Variants in CERT1 observed in about 807,000 individuals in gnomAD.
CERT1 encodes the protein ceramide transfer protein.
CERT1 carries 31 observed loss-of-function variants against 87.9 expected under a neutral mutation model. The ratio of observed to expected loss-of-function variants is 0.35; its 90% confidence interval spans 0.27 to 0.48. CERT1 has a LOEUF of 0.48. Among genes scored for constraint, CERT1 ranks in the 20% least tolerant of loss-of-function variants. The pLI is 0.99. For synonymous variants in CERT1, 289 were observed against 250.9 expected, an observed-to-expected ratio of 1.15 and a Z score of -1.44; for missense variants, 487 against 758.0, an observed-to-expected ratio of 0.64 and a Z score of 4.20.
At chr5:75,483,967 A>G (rs1479791118) in intron 2 of CERT1, among the ~76,000 whole-genome samples, 2 of 152,160 alleles carry the variant, frequency 1.3e-5, no homozygotes, top group African/African-American at 4.8e-5. Flanking sequence ...TAAACTACTC[A>G]TATCTTGAGT....
Position 75,499,937 on chromosome 5 carries a change from A to C in CERT1, c.231+6045T>G, listed in dbSNP as rs1170419754. ...GTACCTCTGAATGTTACCTTGTTTG[A>C]AAACAGCAGCATTGTGGATTTAATT... On this transcript the variant is annotated intron_variant, in intron 2 of 16. Coordinates refer to ENST00000643780, the MANE Select transcript of CERT1 (RefSeq NM_001379029.1). Among the ~76,000 whole-genome samples the C allele has an allele frequency of 2.6e-5, 4 of 152,226 alleles. No homozygotes were observed. In the East Asian group the frequency reaches 7.7e-4, roughly 29 times the overall value.
At chr5:75,435,055 T>C (rs1580766621) in intron 3 of CERT1, among the ~76,000 whole-genome samples, 3 of 152,286 alleles carry the variant, frequency 2.0e-5, no homozygotes, top group Admixed American at 2.0e-4. Context: ...TTCATCATGG[T>C]GATGTTAGGT....
At chr5:75,441,620 GTC>G (rs949220658) in intron 3 of CERT1, among the ~76,000 whole-genome samples, 2 of 151,980 alleles carry the variant, frequency 1.3e-5, no homozygotes, top group African/African-American at 4.8e-5. Context: ...TCTACTTTCT[GTC>G]TCTATGAATT....
At chr5:75,370,126 TTC>T (rs1306556542) in intron 17 of CERT1, 3 of 152,342 alleles carry the variant, frequency 2.0e-5, no homozygotes, top group Non-Finnish European at 2.9e-5. Context: ...CACATAATAT[TTC>T]TCTGTCATCA....
intron 3 of CERT1, among the ~76,000 whole-genome samples, chr5:75,439,094 T>TA (rs2112237691): frequency 6.6e-6 from 1 of 152,096 alleles, no homozygotes; most frequent in Non-Finnish European, 1.5e-5. Flanking sequence ...TATATACCTT[T>TA]ATGCTTTAGA....
chr5:75,395,849 C>CA (rs1215222867), intron 11 of CERT1, among the ~76,000 whole-genome samples: 1 of 151,552 alleles, frequency 6.6e-6, no homozygotes, highest in African/African-American at 2.4e-5. Context: ...GACTCTGTCT[C>CA]AAAAAAACCC....
chr5:75,450,382 G>A (rs1002503120), intron 3 of CERT1, among the ~76,000 whole-genome samples: 5 of 152,108 alleles, frequency 3.3e-5, no homozygotes, highest in Admixed American at 1.3e-4. Flanking sequence ...CTTCCAACCT[G>A]ACTCTAGTAT....
chr5:75,444,429 T>C (rs948672152), intron 3 of CERT1, among the ~76,000 whole-genome samples: 1 of 152,192 alleles, frequency 6.6e-6, no homozygotes, highest in East Asian at 1.9e-4. Context: ...AAGTAATTAC[T>C]GATAAGGAAG....
chr5:75,461,374 A>T (rs1469883012), intron 2 of CERT1, among the ~76,000 whole-genome samples: 2 of 152,228 alleles, frequency 1.3e-5, no homozygotes, highest in African/African-American at 2.4e-5. Context: ...CTGAGGTGGA[A>T]GAGTTTCATC....
intron 1 of CERT1, among the ~76,000 whole-genome samples, chr5:75,507,660 G>C (rs1767717113): frequency 6.6e-6 from 1 of 152,156 alleles, no homozygotes; most frequent in Non-Finnish European, 1.5e-5. Context: ...CTCAGAGTTA[G>C]TGTATTAGAT....
At chr5:75,417,931 C>T (rs368768955) in intron 6 of CERT1, among the ~76,000 whole-genome samples, 4 of 152,276 alleles carry the variant, frequency 2.6e-5, no homozygotes, top group Admixed American at 2.0e-4. Flanking sequence ...CCAAGGCGGG[C>T]GGATCACCTG....
chr5:75,501,774 T>C (rs894604974), intron 2 of CERT1, among the ~76,000 whole-genome samples: 7 of 152,164 alleles, frequency 4.6e-5, no homozygotes, highest in Admixed American at 3.3e-4. Context: ...GCTACCAGGA[T>C]ACATAATTAG....
At position 75,506,380 on chromosome 5, in the gene CERT1, A is replaced by AT. The variant is rs1218870830; in HGVS notation, c.97-265dup. 2.0e-5 allele frequency among the ~76,000 whole-genome samples: 3 copies of AT among 152,254 alleles called. No individual in the cohort carries two copies. In the East Asian group the frequency reaches 5.8e-4, roughly 29 times the overall value. On this transcript the variant is annotated intron_variant, in intron 1 of 16. Coordinates refer to ENST00000643780, the MANE Select transcript of CERT1 (RefSeq NM_001379029.1). ...AACATTTTCTTCTAACATTTGAAGA[A>AT]TAAAACGAAAGCCAGATTTTGGTTA...
intron 3 of CERT1, among the ~76,000 whole-genome samples, chr5:75,429,595 A>G (rs1282918861): frequency 6.6e-6 from 1 of 152,102 alleles, no homozygotes; most frequent in Non-Finnish European, 1.5e-5. Context: ...GAGGCAGAAG[A>G]ATCACTTGAG....
At chr5:75,494,088 C>A (rs1376600544) in intron 2 of CERT1, among the ~76,000 whole-genome samples, 1 of 152,174 alleles carries the variant, frequency 6.6e-6, no homozygotes, top group Non-Finnish European at 1.5e-5. Flanking sequence ...TAGTGTTGCA[C>A]TGATTCTCTT....
At chr5:75,369,648 A>G (rs1236103697) in intron 17 of CERT1, 1 of 152,230 alleles carries the variant, frequency 6.6e-6, no homozygotes, top group Non-Finnish European at 1.5e-5. Flanking sequence ...GGAGTCAGAA[A>G]AGGCATAGTG....
In CERT1 at chr5:75,499,090, G is replaced by A. The variant is rs1209422997; in HGVS notation, c.231+6892C>T. Among the ~76,000 whole-genome samples, 4 of 152,196 alleles carry A rather than the reference G, an allele frequency of 2.6e-5. No individual in the cohort carries two copies. The East Asian group carries it at 7.7e-4, about 29-fold the overall frequency. ...CTGCCAATTTCTCCCATTTGGAATAGGTGTATTTACCCACTGCCCATACCC... is the reference window on the plus strand; with the variant it reads ...CTGCCAATTTCTCCCATTTGGAATAAGTGTATTTACCCACTGCCCATACCC... On this transcript the variant is annotated intron_variant, in intron 2 of 16. Transcript: ENST00000643780.
intron 5 of CERT1, 128 bp downstream of exon 5, chr5:75,425,233 T>A: frequency 1.3e-6 from 1 of 792,904 alleles, no homozygotes. Context: ...GAAATCTGTT[T>A]CACTGGGGGT....
chr5:75,381,919 A>C (rs749408217), intron 15 of CERT1, 30 bp downstream of exon 15: 27 of 1,587,898 alleles, frequency 1.7e-5, no homozygotes, highest in Non-Finnish European at 2.3e-5. Flanking sequence ...TATATTGTTT[A>C]ATTATACACA....
Sources: allele counts gnomAD v4.1 joint callset (sites outside exome capture counted in the v4.1 genomes callset), GRCh38; gene constraint gnomAD v4.1.1; transcripts MANE v1.5; gene names NCBI Gene and HGNC (gene_info 2026-07-23, HGNC 2026-07-21).